AFF3: variants seen among roughly 807,000 people sequenced by gnomAD.
AFF3 encodes the protein AF4/FMR2 family member 3.
In AFF3, 32 loss-of-function variants were observed where a neutral mutation model predicts 129.7. That is an observed-to-expected ratio of 0.25 (90% CI 0.19 to 0.33). The LOEUF (loss-of-function observed/expected upper bound fraction) is 0.33. AFF3 is among the 10% of genes least tolerant of loss of function. The pLI, the probability that AFF3 is intolerant of heterozygous loss-of-function variation, is 1.00. For missense variants in AFF3, 1,373 were observed against 1,592.0 expected, an observed-to-expected ratio of 0.86 and a Z score of 2.34; for synonymous variants, 644 against 635.4, an observed-to-expected ratio of 1.01 and a Z score of -0.20.
At chr2:99,841,209 A>C (rs1689294227) in intron 7 of AFF3, among the ~76,000 whole-genome samples, 1 of 152,254 alleles carries the variant, frequency 6.6e-6, no homozygotes. Context: ...TTTTATAACT[A>C]TCTCCCTTAT....
chr2:99,990,059 T>A (rs116778408), intron 7 of AFF3, among the ~76,000 whole-genome samples: 2,226 of 152,218 alleles, frequency 0.015, 64 homozygotes, highest in African/African-American at 0.051. Context: ...TCAACAATGA[T>A]CTTATCAGCT....
chr2:99,744,562 C>T (rs1680983889), intron 9 of AFF3, among the ~76,000 whole-genome samples: 2 of 152,106 alleles, frequency 1.3e-5, no homozygotes, highest in East Asian at 3.9e-4. Context: ...AATGCCCCAG[C>T]CCCTCACAAC....
rs1674710541 is a variant in AFF3, at chr2:99,554,308, C to T, written c.3559+3G>A. The T allele has an allele frequency of 1.2e-6, 2 of 1,614,188 alleles. No homozygotes were observed. The highest frequency in any genetic ancestry group is 1.3e-5 in the African/African-American group (1 of 75,058). Reference sequence around the variant, plus strand: ...CCTGGTTCCCCGTGGGGTGTGCGCTCACCTCGGTTTTCCTTGGCCAGGTTG... The same window carrying T: ...CCTGGTTCCCCGTGGGGTGTGCGCTTACCTCGGTTTTCCTTGGCCAGGTTG... On this transcript the variant is annotated splice_donor_region_variant and intron_variant, in intron 24 of 24. Coordinates refer to ENST00000672756, the MANE Select transcript of AFF3 (RefSeq NM_001386135.1).
intron 12 of AFF3, among the ~76,000 whole-genome samples, chr2:99,660,141 ATAT>A (rs1686100675): frequency 6.6e-6 from 1 of 152,220 alleles, no homozygotes; most frequent in Non-Finnish European, 1.5e-5. Flanking sequence ...TGCTATCGCA[ATAT>A]GATGCTTTGG....
At chr2:100,032,600 C>T (rs1455996115) in intron 4 of AFF3, among the ~76,000 whole-genome samples, 5 of 152,140 alleles carry the variant, frequency 3.3e-5, no homozygotes. Context: ...AAAATATGAA[C>T]TTAATTTTGA....
chr2:99,861,324 T>C (rs563710263), intron 7 of AFF3, among the ~76,000 whole-genome samples: 1 of 152,330 alleles, frequency 6.6e-6, no homozygotes, highest in African/African-American at 2.4e-5. Context: ...GCTCTTTCTA[T>C]GGTAATACGA....
At chr2:99,612,781 C>A (rs1340609761) in intron 13 of AFF3, among the ~76,000 whole-genome samples, 1 of 152,228 alleles carries the variant, frequency 6.6e-6, no homozygotes, top group Non-Finnish European at 1.5e-5. Context: ...TGTGGGAGCA[C>A]CTCTGCCTCA....
intron 7 of AFF3, among the ~76,000 whole-genome samples, chr2:99,867,942 G>A (rs1186598787): frequency 1.3e-5 from 2 of 152,174 alleles, no homozygotes; most frequent in Non-Finnish European, 2.9e-5. Flanking sequence ...CGGGCACGTG[G>A]AGGGAGAGAT....
chr2:100,055,361 A>C (rs1227748153), intron 4 of AFF3, among the ~76,000 whole-genome samples: 1 of 151,962 alleles, frequency 6.6e-6, no homozygotes, highest in Non-Finnish European at 1.5e-5. Flanking sequence ...CATAGGAAAC[A>C]GGAGATGGCA....
Position 99,971,865 on chromosome 2 carries a change from A to G in AFF3, c.873+34767T>C, listed in dbSNP as rs186234686. Among the ~76,000 whole-genome samples the G allele has an allele frequency of 2.0e-5, 3 of 152,342 alleles. No individual in the cohort carries two copies. The East Asian group carries it at 5.8e-4, about 29-fold the overall frequency. On this transcript the variant is annotated intron_variant, in intron 7 of 24. Coordinates refer to ENST00000672756, the MANE Select transcript of AFF3 (RefSeq NM_001386135.1). Reference sequence around the variant, plus strand: ...AACATATCCTGATGCCTGGTTAAGAAAGCTTTATGGCAGAAAAAAAAGAAA... The same window carrying G: ...AACATATCCTGATGCCTGGTTAAGAGAGCTTTATGGCAGAAAAAAAAGAAA...
At chr2:100,003,547 A>G (rs1422158556) in intron 7 of AFF3, among the ~76,000 whole-genome samples, 1 of 152,206 alleles carries the variant, frequency 6.6e-6, no homozygotes, top group Non-Finnish European at 1.5e-5. Context: ...TTAAACACAA[A>G]ACTGAGTCGG....
In AFF3 at chr2:99,647,835, T is replaced by C. The variant is rs74626240; in HGVS notation, c.1184+1791A>G. ...AGGATAAAGAAATTTGTAAGAAGAGTGGTGACAATGAAAACCTCTGTTTTT... is the reference window on the plus strand; with the variant it reads ...AGGATAAAGAAATTTGTAAGAAGAGCGGTGACAATGAAAACCTCTGTTTTT... On this transcript the variant is annotated intron_variant, in intron 13 of 24. Transcript: ENST00000672756. Among the ~76,000 whole-genome samples, 715 of 151,854 alleles carry C rather than the reference T, an allele frequency of 4.7e-3. 8 individuals carry two copies. The highest frequency in any genetic ancestry group is 0.015 in the African/African-American group (632 of 41,386).
intron 12 of AFF3, among the ~76,000 whole-genome samples, chr2:99,655,213 TACACACACACAC>T (rs59646108): frequency 0.15 from 19,150 of 130,238 alleles, 1,592 homozygotes; most frequent in South Asian, 0.22. Flanking sequence ...CATGAAAAGC[TACACACACACAC>T]ACACACACAC....
chr2:99,731,504 T>C (rs1247358944), intron 10 of AFF3, among the ~76,000 whole-genome samples: 1 of 152,204 alleles, frequency 6.6e-6, no homozygotes, highest in Non-Finnish European at 1.5e-5. Context: ...CTCACCCATC[T>C]ATCCTTCCCT....
chr2:99,581,853 GTTT>G (rs1197222142), intron 17 of AFF3, among the ~76,000 whole-genome samples: 2 of 121,568 alleles, frequency 1.6e-5, no homozygotes. Flanking sequence ...AGGTGTTGGA[GTTT>G]TTTTTTTTTT....
chr2:100,070,862 T>G (rs1182355816), intron 4 of AFF3, among the ~76,000 whole-genome samples: 1 of 111,930 alleles, frequency 8.9e-6, no homozygotes, highest in Non-Finnish European at 1.9e-5. Flanking sequence ...AGACATTTTT[T>G]TCACGAAAGC....
At chr2:99,556,035 C>T (rs1575336783) in intron 22 of AFF3, among the ~76,000 whole-genome samples, 1 of 152,148 alleles carries the variant, frequency 6.6e-6, no homozygotes, top group African/African-American at 2.4e-5. Context: ...ACTTTGTTTC[C>T]ACTTCATCCT....
chr2:99,731,134 T>G (rs1284922590), intron 10 of AFF3, among the ~76,000 whole-genome samples: 1 of 152,042 alleles, frequency 6.6e-6, no homozygotes, highest in Non-Finnish European at 1.5e-5. Flanking sequence ...ATTTTTATAT[T>G]TTTAGTAGAG....
In AFF3 at chr2:99,744,114, G is replaced by A; in HGVS notation, c.1029C>T (p.His343=). Residue 343 remains histidine, a synonymous_variant, in exon 10 of 25, where the codon CAC becomes CAT. Transcript: ENST00000672756. ...NKDSQLVSSG[H]NNPKKGDAEP... is the part of the protein sequence containing the mutation. ...CGAAGTCTTTCTTACTTGGATTATT[G>A]TGTCCAGAGGATACAAGCTGAGAGT... 1 of 1,500,136 alleles carries A rather than the reference G, an allele frequency of 6.7e-7. No homozygotes were observed. Among genetic ancestry groups the A allele is most frequent in the Non-Finnish European group, 9.0e-7 (1 of 1,111,556 alleles). The allele number at this position is 1,500,136 out of a possible 1,614,324, so 92.9% of individuals were successfully genotyped here. A position where few individuals can be genotyped will look rare whatever the true frequency, so the allele number is the denominator to read the frequency against.
Sources: allele counts gnomAD v4.1 joint callset (sites outside exome capture counted in the v4.1 genomes callset), GRCh38; gene constraint gnomAD v4.1.1; transcripts MANE v1.5; gene names NCBI Gene and HGNC (gene_info 2026-07-23, HGNC 2026-07-21).